GC: variants seen among roughly 807,000 people sequenced by gnomAD.
GC encodes GC vitamin D binding protein.
Under a neutral mutation model 56.7 loss-of-function variants are expected in GC, and 43 were observed. The observed-to-expected ratio is 0.76, with a 90% CI of 0.59 to 0.98. The LOEUF is 0.98. Among genes scored for constraint, GC ranks in the 50% least tolerant of loss-of-function variants. The pLI is 0.00. For missense variants in GC, 529 were observed against 545.9 expected, an observed-to-expected ratio of 0.97 and a Z score of 0.31; for synonymous variants, 216 against 202.7, an observed-to-expected ratio of 1.07 and a Z score of -0.56.
At chr4:71,785,691 C>A (rs1421584687), upstream of GC, among the ~76,000 whole-genome samples, 2 of 151,764 alleles carry the variant, frequency 1.3e-5, no homozygotes, top group Non-Finnish European at 2.9e-5. Flanking sequence ...TTCCTGATTA[C>A]TATAAATCTA....
chr4:71,789,168 TAA>T (rs1279393335), intron 1 of GC, among the ~76,000 whole-genome samples: 1 of 151,492 alleles, frequency 6.6e-6, no homozygotes, highest in Non-Finnish European at 1.5e-5. Context: ...AAGAAGAGAA[TAA>T]AAGATAAAAT....
At chr4:71,759,542 C>A (rs1408939799) in intron 6 of GC, 2 of 152,172 alleles carry the variant, frequency 1.3e-5, no homozygotes, top group Non-Finnish European at 2.9e-5. Context: ...AATTATTATA[C>A]TAACTAGGCC....
chr4:71,786,184 T>C (rs1742829204), upstream of GC, among the ~76,000 whole-genome samples: 1 of 151,906 alleles, frequency 6.6e-6, no homozygotes, highest in Non-Finnish European at 1.5e-5. Context: ...AAATGCATTC[T>C]CTTGGCTGAA....
intron 12 of GC, 136 bp downstream of exon 12, chr4:71,746,015 C>A: frequency 1.8e-6 from 1 of 541,512 alleles, no homozygotes; most frequent in Non-Finnish European, 3.3e-6. Context: ...TTTCTCGGTG[C>A]TTAATATTCT....
chr4:71,763,642 T>G, intron 5 of GC, 140 bp from the exon 6 acceptor site: 1 of 759,678 alleles, frequency 1.3e-6, no homozygotes, highest in Non-Finnish European at 2.2e-6. Flanking sequence ...TTATTGATAT[T>G]ACTTTTCCAG....
chr4:71,797,794 C>A (rs1437840683), intron 1 of GC, among the ~76,000 whole-genome samples: 1 of 152,216 alleles, frequency 6.6e-6, no homozygotes, highest in Non-Finnish European at 1.5e-5. Context: ...TCCCATTCGG[C>A]CATCTTGAAT....
chr4:71,761,748 C>T (rs1182155379), intron 6 of GC, among the ~76,000 whole-genome samples: 1 of 152,186 alleles, frequency 6.6e-6, no homozygotes, highest in Non-Finnish European at 1.5e-5. Flanking sequence ...GAGCTTGGGG[C>T]ATGGCTTCAG....
At chr4:71,777,284 T>C (rs1441174757) in intron 1 of GC, among the ~76,000 whole-genome samples, 3 of 151,860 alleles carry the variant, frequency 2.0e-5, no homozygotes, top group Non-Finnish European at 4.4e-5. Context: ...AATTTCACTA[T>C]CAAGTACTCA....
At chr4:71,763,649 C>A (rs1378860458) in intron 5 of GC, 147 bp from the exon 6 acceptor site, 11 of 759,564 alleles carry the variant, frequency 1.4e-5, no homozygotes, top group Non-Finnish European at 2.2e-5. Flanking sequence ...TATTACTTTT[C>A]CAGAGGTATT....
intron 1 of GC, among the ~76,000 whole-genome samples, chr4:71,792,358 C>T (rs935306040): frequency 5.9e-5 from 9 of 152,206 alleles, no homozygotes; most frequent in Non-Finnish European, 1.2e-4. Context: ...GATCACCATT[C>T]TAACTGGCGT....
rs545628312 is a variant in GC at position 71,752,562 on chromosome 4, T to C, written c.1351A>G (p.Asn451Asp). The C allele has an allele frequency of 6.2e-7, 1 of 1,613,616 alleles. No homozygotes were observed. Among genetic ancestry groups the C allele is most frequent in the East Asian group, 2.2e-5 (1 of 44,874 alleles). Reference sequence around the variant, plus strand: ...GGAGGTGAGTTTATGGAACAGCAGTTGGAGGCAAAGTCTGAGTGCTTGTTA... The same window carrying C: ...GGAGGTGAGTTTATGGAACAGCAGTCGGAGGCAAAGTCTGAGTGCTTGTTA... ...LVNKHSDFAS[N>D]CCSINSPPLY... The change falls in exon 11 of 13, where the codon AAC (asparagine) becomes GAC (aspartate). Residue 451 changes from asparagine to aspartate, a missense_variant. Physicochemically the swap from Asn to Asp is conservative, Grantham distance 23. Coordinates refer to ENST00000273951, the MANE Select transcript of GC (RefSeq NM_000583.4).
At chr4:71,795,485 C>CT (rs1379313621) in intron 1 of GC, among the ~76,000 whole-genome samples, 1 of 152,066 alleles carries the variant, frequency 6.6e-6, no homozygotes, top group Non-Finnish European at 1.5e-5. Flanking sequence ...GCAACCCCTG[C>CT]TTTTTTTGCT....
At chr4:71,742,335 C>T (rs1040392275) in intron 12 of GC, among the ~76,000 whole-genome samples, 6 of 152,154 alleles carry the variant, frequency 3.9e-5, no homozygotes, top group African/African-American at 1.2e-4. Context: ...GCCAATTCGT[C>T]TCCCTTAATT....
At chr4:71,749,137 G>A (rs1364356299) in intron 11 of GC, among the ~76,000 whole-genome samples, 1 of 152,100 alleles carries the variant, frequency 6.6e-6, no homozygotes, top group Non-Finnish European at 1.5e-5. Context: ...AATAGCAGAG[G>A]ATTTAATCTC....
intron 1 of GC, among the ~76,000 whole-genome samples, chr4:71,776,853 C>T (rs1167384833): frequency 2.6e-5 from 4 of 151,852 alleles, no homozygotes; most frequent in African/African-American, 9.7e-5. Flanking sequence ...ACAAAATACA[C>T]GTCTTAATGA....
At position 71,741,843 on chromosome 4, in the gene GC, C is replaced by G; in HGVS notation, c.*53G>C. 1 of 702,990 alleles carries G rather than the reference C, an allele frequency of 1.4e-6. No individual in the cohort carries two copies. The highest frequency in any genetic ancestry group is 2.0e-5 in the Admixed American group (1 of 50,014). 43.5% of individuals were successfully genotyped at this position (702,990 alleles called of 1,614,324 possible). On this transcript the variant is annotated 3_prime_UTR_variant, in exon 13 of 13. Coordinates refer to ENST00000273951, the MANE Select transcript of GC (RefSeq NM_000583.4). ...TTGCTTAGGTTAGGTCATCAGAGATCATTCCCCTGGGTGGCTCCAACTCTG... is the reference window on the plus strand; with the variant it reads ...TTGCTTAGGTTAGGTCATCAGAGATGATTCCCCTGGGTGGCTCCAACTCTG...
At chr4:71,756,355 G>A (rs943309842) in intron 8 of GC, among the ~76,000 whole-genome samples, 11 of 152,184 alleles carry the variant, frequency 7.2e-5, no homozygotes, top group African/African-American at 2.7e-4. Context: ...TTAGCAGTCT[G>A]TGTGCTAAGT....
chr4:71,801,670 A>G (rs990165098), intron 1 of GC, among the ~76,000 whole-genome samples: 2 of 152,220 alleles, frequency 1.3e-5, no homozygotes, highest in Non-Finnish European at 2.9e-5. Flanking sequence ...AAAATACTCT[A>G]CATGCCCACA....
At chr4:71,785,027 T>C (rs1356099888), upstream of GC, among the ~76,000 whole-genome samples, 4 of 151,706 alleles carry the variant, frequency 2.6e-5, no homozygotes, top group Non-Finnish European at 5.9e-5. Flanking sequence ...AATGGTCAGG[T>C]ACAGGTTGTT....
Sources: allele counts gnomAD v4.1 joint callset (sites outside exome capture counted in the v4.1 genomes callset), GRCh38; gene constraint gnomAD v4.1.1; transcripts MANE v1.5; gene names NCBI Gene and HGNC (gene_info 2026-07-23, HGNC 2026-07-21).